Variants in DLGAP4 observed in about 807,000 individuals in gnomAD.
DLGAP4 encodes the protein disks large-associated protein 4.
In DLGAP4, 18 loss-of-function variants were observed where a neutral mutation model predicts 86.9. That is an observed-to-expected ratio of 0.21 (90% confidence interval 0.14 to 0.31). The LOEUF (loss-of-function observed/expected upper bound fraction) is 0.31. DLGAP4 is among the 10% of genes least tolerant of loss of function. The pLI is 1.00. For synonymous variants in DLGAP4, 548 were observed against 574.3 expected (o/e 0.95, Z 0.65); for missense variants, 1,085 against 1,362.6 (o/e 0.80, Z 3.21).
At chr20:36,417,349 G>A (rs957695106) in intron 2 of DLGAP4, among the ~76,000 whole-genome samples, 4 of 146,632 alleles carry the variant, frequency 2.7e-5, no homozygotes, top group Non-Finnish European at 6.0e-5. Flanking sequence ...GGGCTGAGCA[G>A]GCTGGAGTTT....
chr20:36,334,036 C>T (rs538167618), intron 1 of DLGAP4, among the ~76,000 whole-genome samples: 3 of 152,298 alleles, frequency 2.0e-5, no homozygotes, highest in East Asian at 1.9e-4. Context: ...GCAAGGATGT[C>T]GTGTGTGCTG....
At chr20:36,341,229 A>C (rs911557518) in intron 1 of DLGAP4, among the ~76,000 whole-genome samples, 19 of 152,032 alleles carry the variant, frequency 1.2e-4, no homozygotes, top group African/African-American at 4.4e-4. Flanking sequence ...GTTCTTATCC[A>C]TCAAGACTCT....
intron 2 of DLGAP4, among the ~76,000 whole-genome samples, chr20:36,413,413 C>CTTTTTT (rs71184094): frequency 3.7e-4 from 26 of 71,032 alleles, no homozygotes; most frequent in Admixed American, 6.8e-4. Flanking sequence ...TTGTTCTGGA[C>CTTTTTT]TTTTTTTTTT....
chr20:36,329,672 G>C (rs531986134), intron 1 of DLGAP4, among the ~76,000 whole-genome samples: 1 of 152,174 alleles, frequency 6.6e-6, no homozygotes, highest in Admixed American at 6.5e-5. Flanking sequence ...CGAGGTGTGG[G>C]GATCACTTGA....
In DLGAP4 at chr20:36,528,373, G is replaced by T. The variant is rs2037898563; in HGVS notation, c.*1342G>T. ...CCGAAGCCAGCTCAGTACCTGAGGG[G>T]CTGCTCTATGCTGTGTATGCGCCTC... On this transcript the variant is annotated 3_prime_UTR_variant, in exon 13 of 13. Coordinates refer to ENST00000339266, the MANE Select transcript of DLGAP4 (RefSeq NM_001365621.2). The T allele has an allele frequency of 6.6e-6, 1 of 152,618 alleles. No individual in the cohort carries two copies. Among genetic ancestry groups the T allele is most frequent in the South Asian group, 2.1e-4 (1 of 4,838 alleles). The allele number at this position is 152,618 out of a possible 1,614,324, so 9.5% of individuals were successfully genotyped here.
In DLGAP4 at chr20:36,439,769, G is replaced by C; in HGVS notation, c.1257G>C (p.Leu419=). The C allele has an allele frequency of 6.2e-7, 1 of 1,613,524 alleles. No homozygotes were observed. Among genetic ancestry groups the C allele is most frequent in the African/African-American group, 1.3e-5 (1 of 75,046 alleles). ...QSNPRRSLDR[L]DSVDMLLPSK... is the part of the protein sequence containing the mutation. Reference sequence around the variant, plus strand: ...TCCCCACCAGGAGTCTGGACCGCCTGGATTCAGTGGACATGCTGCTGCCCT... The same window carrying C: ...TCCCCACCAGGAGTCTGGACCGCCTCGATTCAGTGGACATGCTGCTGCCCT... Residue 419 remains leucine, a synonymous_variant, in exon 5 of 13, where the codon CTG becomes CTC. Coordinates refer to ENST00000339266, the MANE Select transcript of DLGAP4 (RefSeq NM_001365621.2).
intron 2 of DLGAP4, among the ~76,000 whole-genome samples, chr20:36,372,789 G>A (rs142890713): frequency 2.0e-5 from 3 of 152,084 alleles, no homozygotes; most frequent in Admixed American, 6.5e-5. Flanking sequence ...ACTTACATCC[G>A]GCCAGGCAAT....
chr20:36,513,507 C>T (rs1397946389), intron 10 of DLGAP4, among the ~76,000 whole-genome samples: 1 of 144,472 alleles, frequency 6.9e-6, no homozygotes, highest in Non-Finnish European at 1.5e-5. Flanking sequence ...GAGATTGCGC[C>T]ACTGCAGTCC....
Position 36,327,504 on chromosome 20 carries a change from C to G in DLGAP4, c.-304+20992C>G, listed in dbSNP as rs148519497. 2.3e-3 allele frequency among the ~76,000 whole-genome samples: 351 copies of G among 152,088 alleles called. 4 individuals carry two copies. The highest frequency in any genetic ancestry group is 7.7e-3 in the South Asian group (37 of 4,806). ...AGCTTGGTGAAGGCCACTCTTGACT[C>G]AGTTTCTCTATCCATCTGCTAGGCC... On this transcript the variant is annotated intron_variant, in intron 1 of 12. Coordinates refer to ENST00000339266, the MANE Select transcript of DLGAP4 (RefSeq NM_001365621.2).
chr20:36,451,189 T>C (rs2033726517), intron 7 of DLGAP4, among the ~76,000 whole-genome samples: 1 of 152,234 alleles, frequency 6.6e-6, no homozygotes, highest in Non-Finnish European at 1.5e-5. Context: ...TCTATGTATT[T>C]GATTCCCTGT....
At chr20:36,313,602 G>C (rs1475494664) in intron 1 of DLGAP4, among the ~76,000 whole-genome samples, 1 of 152,042 alleles carries the variant, frequency 6.6e-6, no homozygotes, top group Non-Finnish European at 1.5e-5. Flanking sequence ...TTGGCCTGCT[G>C]CTGGGGGGGC....
chr20:36,362,839 G>C (rs2030565076), intron 1 of DLGAP4, among the ~76,000 whole-genome samples: 1 of 152,194 alleles, frequency 6.6e-6, no homozygotes, highest in Non-Finnish European at 1.5e-5. Context: ...GGAGGGCTGG[G>C]GAGTGTAGCA....
chr20:36,344,731 T>C (rs1356063097), intron 1 of DLGAP4, among the ~76,000 whole-genome samples: 2 of 152,240 alleles, frequency 1.3e-5, no homozygotes, highest in Non-Finnish European at 2.9e-5. Context: ...CCAGTGGACC[T>C]GGGCCTCGGC....
intron 7 of DLGAP4, among the ~76,000 whole-genome samples, chr20:36,452,836 T>TC: frequency 7.0e-6 from 1 of 143,546 alleles, no homozygotes; most frequent in African/African-American, 2.6e-5. Flanking sequence ...CTTTTTTTTT[T>TC]TTTTTTTTTT....
chr20:36,412,760 C>G (rs1426324720), intron 2 of DLGAP4, among the ~76,000 whole-genome samples: 1 of 152,138 alleles, frequency 6.6e-6, no homozygotes, highest in Non-Finnish European at 1.5e-5. Context: ...ACCGCAGCAC[C>G]TCTTTATTGA....
At chr20:36,396,992 A>G (rs1382657951) in intron 2 of DLGAP4, among the ~76,000 whole-genome samples, 1 of 152,366 alleles carries the variant, frequency 6.6e-6, no homozygotes, top group East Asian at 1.9e-4. Context: ...AGGAAGAACC[A>G]TCTTTATTCC....
chr20:36,487,609 C>T (rs376989018), intron 7 of DLGAP4, among the ~76,000 whole-genome samples: 165 of 152,292 alleles, frequency 1.1e-3, no homozygotes, highest in African/African-American at 3.7e-3. Context: ...TGGACTGTCC[C>T]GCCCTGCTCC....
At chr20:36,446,593 A>AC (rs950848589) in intron 6 of DLGAP4, 104 bp from the exon 7 acceptor site, 8 of 1,097,536 alleles carry the variant, frequency 7.3e-6, no homozygotes, top group Admixed American at 6.9e-5. Context: ...CTGAGGTCAG[A>AC]CCCCACAGAC....
intron 10 of DLGAP4, among the ~76,000 whole-genome samples, chr20:36,504,890 G>A (rs1043779184): frequency 1.3e-5 from 2 of 152,030 alleles, no homozygotes; most frequent in African/African-American, 2.4e-5. Flanking sequence ...TATATTATGG[G>A]TGCTAGACCC....
Sources: gnomAD v4.1 joint callset for allele counts (sites outside exome capture counted in the v4.1 genomes callset) on GRCh38, gnomAD v4.1.1 for gene constraint, MANE v1.5 for transcripts, NCBI Gene and HGNC (gene_info 2026-07-23, HGNC 2026-07-21) for gene names.